The following ARB2A variants were observed in gnomAD, a reference collection of about 807,000 sequenced individuals.
The protein encoded by ARB2A is ARB2 cotranscriptional regulator A, also known as cotranscriptional regulator ARB2A.
At chr5:94,084,496 G>A in the ARB2A span, among the ~76,000 whole-genome samples, 1 of 151,984 alleles carries the variant, frequency 6.6e-6, no homozygotes, top group East Asian at 1.9e-4. Flanking sequence ...GTAGATCTAA[G>A]GGAATTCTAC....
the ARB2A span, among the ~76,000 whole-genome samples, chr5:93,778,241 G>C: frequency 2.0e-5 from 3 of 152,176 alleles, no homozygotes; most frequent in African/African-American, 7.2e-5. Flanking sequence ...AAGAAATAGG[G>C]TTTTAGAAGA....
At chr5:93,741,036 G>A in the ARB2A span, 1 of 1,613,832 alleles carries the variant, frequency 6.2e-7, no homozygotes, top group Non-Finnish European at 8.5e-7. Flanking sequence ...GCTTCCACAT[G>A]TTGGCGACGC....
At chr5:93,668,282 T>C in the ARB2A span, among the ~76,000 whole-genome samples, 8 of 152,136 alleles carry the variant, frequency 5.3e-5, no homozygotes, top group Non-Finnish European at 1.0e-4. Flanking sequence ...TTTTATATTG[T>C]TTAGTAGAGT....
At chr5:93,997,352 T>C in the ARB2A span, among the ~76,000 whole-genome samples, 200 of 152,148 alleles carry the variant, frequency 1.3e-3, 4 homozygotes, top group East Asian at 0.028. Flanking sequence ...ACTAAGACAA[T>C]TGTTCTAAGA....
the ARB2A span, among the ~76,000 whole-genome samples, chr5:93,787,638 T>C: frequency 1.3e-5 from 2 of 152,140 alleles, no homozygotes; most frequent in Admixed American, 1.3e-4. Context: ...CTTGGATATA[T>C]GTCATGTTCT....
chr5:93,987,211 T>C, the ARB2A span, among the ~76,000 whole-genome samples: 1 of 152,050 alleles, frequency 6.6e-6, no homozygotes, highest in African/African-American at 2.4e-5. Context: ...AAACTCTACT[T>C]CCATCCTAGC....
chr5:93,782,171 C>T, the ARB2A span, among the ~76,000 whole-genome samples: 60 of 152,240 alleles, frequency 3.9e-4, no homozygotes, highest in South Asian at 5.8e-3. Context: ...AATTTCAAAG[C>T]TCCATCAGGC....
At chr5:93,858,633 G>A in the ARB2A span, among the ~76,000 whole-genome samples, 1 of 152,114 alleles carries the variant, frequency 6.6e-6, no homozygotes, top group African/African-American at 2.4e-5. Flanking sequence ...TACTTCTAGA[G>A]CCCATCATCT....
chr5:94,004,228 T>C, the ARB2A span, among the ~76,000 whole-genome samples: 1 of 152,268 alleles, frequency 6.6e-6, no homozygotes, highest in East Asian at 1.9e-4. Context: ...ATAAAACTTC[T>C]AGAAAAATGT....
chr5:94,099,081 C>T, the ARB2A span, among the ~76,000 whole-genome samples: 1 of 152,134 alleles, frequency 6.6e-6, no homozygotes, highest in Admixed American at 6.5e-5. Context: ...CCTGCAGAAA[C>T]TATTCCAAAA....
At chr5:93,717,063 T>C in the ARB2A span, among the ~76,000 whole-genome samples, 6 of 152,322 alleles carry the variant, frequency 3.9e-5, no homozygotes, top group East Asian at 9.6e-4. Flanking sequence ...TACTTTGATA[T>C]ACATATTTAA....
chr5:94,097,817 C>T, the ARB2A span, among the ~76,000 whole-genome samples: 1 of 152,042 alleles, frequency 6.6e-6, no homozygotes, highest in African/African-American at 2.4e-5. Flanking sequence ...AACCTCCCTC[C>T]ACTGCTTTGA....
the ARB2A span, chr5:93,683,056 T>G: frequency 1.3e-6 from 2 of 1,563,402 alleles, no homozygotes; most frequent in Middle Eastern, 4.6e-4. Context: ...CTTGTCCTTT[T>G]GATCTTGGTG....
the ARB2A span, among the ~76,000 whole-genome samples, chr5:93,659,700 G>A: frequency 6.6e-6 from 1 of 152,080 alleles, no homozygotes; most frequent in Non-Finnish European, 1.5e-5. Context: ...AACATTTATT[G>A]AGTTCTTACC....
the ARB2A span, among the ~76,000 whole-genome samples, chr5:94,103,944 A>C: frequency 6.6e-6 from 1 of 151,996 alleles, no homozygotes; most frequent in East Asian, 1.9e-4. Context: ...GAATTCAATA[A>C]ATTTTTTGAA....
the ARB2A span, among the ~76,000 whole-genome samples, chr5:94,048,891 A>G: frequency 2.3e-3 from 346 of 152,308 alleles, 1 homozygote; most frequent in Non-Finnish European, 4.1e-3. Flanking sequence ...AAAAGCTGTC[A>G]AAGTCTTTGC....
the ARB2A span, among the ~76,000 whole-genome samples, chr5:93,966,462 C>G: frequency 1.3e-5 from 2 of 152,016 alleles, no homozygotes; most frequent in African/African-American, 2.4e-5. Flanking sequence ...TTCAAAAACT[C>G]AAAAATTGCT....
At chr5:93,623,819 G>A in the ARB2A span, among the ~76,000 whole-genome samples, 2 of 152,036 alleles carry the variant, frequency 1.3e-5, no homozygotes, top group Admixed American at 1.3e-4. Flanking sequence ...CTAAACTAAG[G>A]AATGATAACA....
chr5:93,650,463 T>C, the ARB2A span, among the ~76,000 whole-genome samples: 1 of 151,566 alleles, frequency 6.6e-6, no homozygotes, highest in East Asian at 1.9e-4. Context: ...TCATATAAAC[T>C]AAAGAAGAGG....
Sources: gnomAD v4.1 joint callset for allele counts (sites outside exome capture counted in the v4.1 genomes callset) on GRCh38, gnomAD v4.1.1 for gene constraint, MANE v1.5 for transcripts, NCBI Gene and HGNC (gene_info 2026-07-23, HGNC 2026-07-21) for gene names.